FBXO22: variants seen among roughly 807,000 people sequenced by gnomAD.
The protein encoded by FBXO22 is F-box protein 22, also known as F-box only protein 22.
A neutral mutation model predicts 37.2 loss-of-function variants in FBXO22; 13 were observed. The observed-to-expected ratio is 0.35, with a 90% CI of 0.23 to 0.56. FBXO22 has a LOEUF of 0.56. Ranked by LOEUF, FBXO22 falls within the 20% of genes least tolerant of loss-of-function variation. FBXO22 has a pLI of 0.87. For missense variants in FBXO22, 446 were observed against 509.9 expected, an observed-to-expected ratio of 0.87 and a Z score of 1.21; for synonymous variants, 189 against 189.1, an observed-to-expected ratio of 1.00 and a Z score of 0.00.
intron 1 of FBXO22, 70 bp from the exon 2 acceptor site, chr15:75,904,421 G>C: frequency 1.2e-6 from 2 of 1,602,930 alleles, no homozygotes; most frequent in East Asian, 2.2e-5. Flanking sequence ...CAGCGGGTGG[G>C]GGTTTGTGAG....
intron 6 of FBXO22, chr15:75,930,651 T>C: frequency 1.0e-6 from 1 of 985,506 alleles, no homozygotes; most frequent in Non-Finnish European, 1.2e-6. Flanking sequence ...AAATATTTGC[T>C]CTTCTGTCTT....
chr15:75,922,196 C>T (rs780551036), intron 5 of FBXO22, among the ~76,000 whole-genome samples: 10 of 152,188 alleles, frequency 6.6e-5, no homozygotes, highest in African/African-American at 1.7e-4. Flanking sequence ...TTGAGTAATG[C>T]GTTGTGCTAC....
At chr15:75,932,654 T>C in intron 6 of FBXO22, 31 bp from the exon 7 acceptor site, 2 of 1,524,998 alleles carry the variant, frequency 1.3e-6, no homozygotes, top group Non-Finnish European at 1.8e-6. Flanking sequence ...TAATGTTTCA[T>C]GAGATATTGC....
In FBXO22 at chr15:75,937,094, C is replaced by G. The variant is rs1441674963; in HGVS notation, c.*3992C>G. 1 of 151,846 alleles carries G rather than the reference C, an allele frequency of 6.6e-6. No individual in the cohort carries two copies. The highest frequency in any genetic ancestry group is 2.4e-5 in the African/African-American group (1 of 41,296). The allele number at this position is 151,846 out of a possible 1,614,324, so 9.4% of individuals were successfully genotyped here. A position where few individuals can be genotyped will look rare whatever the true frequency, so the allele number is the denominator to read the frequency against. On this transcript the variant is annotated 3_prime_UTR_variant, in exon 7 of 7. Transcript: ENST00000308275. ...TTAATCACTATACTTAATAAACATACTCTATTCAAGGTCTTGTAATAAAAT... is the reference window on the plus strand; with the variant it reads ...TTAATCACTATACTTAATAAACATAGTCTATTCAAGGTCTTGTAATAAAAT...
chr15:75,917,293 C>T lies in FBXO22; in HGVS notation c.527C>T (p.Ala176Val). The T allele has an allele frequency of 6.2e-7, 1 of 1,612,190 alleles. No homozygotes were observed. Among genetic ancestry groups the T allele is most frequent in the Non-Finnish European group, 8.5e-7 (1 of 1,178,726 alleles). The change falls in exon 5 of 7, where the codon GCT becomes GTT. Residue 176 changes from alanine to valine, a missense_variant. Ala to Val is a moderately conservative substitution (Grantham distance 64). This residue lies in a region of FBXO22 where 315 missense variants were observed against 410.1 expected (regional missense o/e 0.77). Transcript: ENST00000308275. Reference sequence around the variant, plus strand: ...ATAGAAATTGGAGAATCTGGTTTTGCTTTATTATTCCCTCAAATTGAAGGA... The same window carrying T: ...ATAGAAATTGGAGAATCTGGTTTTGTTTTATTATTCCCTCAAATTGAAGGA... ...QEIEIGESGF[A>V]LLFPQIEGIK...
At chr15:75,918,889 C>T (rs907938087) in intron 5 of FBXO22, among the ~76,000 whole-genome samples, 6 of 152,110 alleles carry the variant, frequency 3.9e-5, no homozygotes, top group African/African-American at 9.7e-5. Context: ...ATACAAAATT[C>T]GTTTTGGAGG....
chr15:75,913,465 G>C (rs1233498360), intron 3 of FBXO22, among the ~76,000 whole-genome samples, 175 bp downstream of exon 3: 1 of 152,148 alleles, frequency 6.6e-6, no homozygotes, highest in Admixed American at 6.5e-5. Flanking sequence ...TTCTGCTTCA[G>C]ATTGATTTCT....
At chr15:75,915,932 A>C (rs574325906) in intron 4 of FBXO22, among the ~76,000 whole-genome samples, 3 of 150,572 alleles carry the variant, frequency 2.0e-5, no homozygotes, top group Admixed American at 1.3e-4. Context: ...TTAGCTGGGC[A>C]TGGTGGCTCA....
intron 6 of FBXO22, among the ~76,000 whole-genome samples, chr15:75,931,750 T>G (rs1595919652): frequency 6.6e-6 from 1 of 152,160 alleles, no homozygotes; most frequent in African/African-American, 2.4e-5. Flanking sequence ...TGTAAGGATA[T>G]TTCATTTTTT....
intron 2 of FBXO22, among the ~76,000 whole-genome samples, chr15:75,906,534 T>C (rs1036476609): frequency 6.6e-6 from 1 of 152,188 alleles, no homozygotes; most frequent in African/African-American, 2.4e-5. Flanking sequence ...CTCATATTTG[T>C]ACCTCCCTTT....
At chr15:75,904,371 C>G in intron 1 of FBXO22, 120 bp from the exon 2 acceptor site, 2 of 1,463,292 alleles carry the variant, frequency 1.4e-6, no homozygotes, top group South Asian at 1.2e-5. Context: ...CTACCTACCC[C>G]GGGGACTTTG....
At position 75,934,436 on chromosome 15, in the gene FBXO22, ACAGT is replaced by A. The variant is rs1286181627; in HGVS notation, c.*1339_*1342del. On this transcript the variant is annotated 3_prime_UTR_variant, in exon 7 of 7. Coordinates refer to ENST00000308275, the MANE Select transcript of FBXO22 (RefSeq NM_147188.3). ...TGATGTAACTAATGTTACTTTTGTA[ACAGT>A]CAGTGGTTTGTTCTAACAGGACAGT... 45 of 152,358 alleles carry A rather than the reference ACAGT, an allele frequency of 3.0e-4. No individual in the cohort carries two copies. Among genetic ancestry groups the A allele is most frequent in the Admixed American group, 2.6e-4 (4 of 15,304 alleles). The allele number at this position is 152,358 out of a possible 1,614,324, so 9.4% of individuals were successfully genotyped here. A position where few individuals can be genotyped will look rare whatever the true frequency, so the allele number is the denominator to read the frequency against.
intron 6 of FBXO22, chr15:75,931,004 C>T (rs935814823): frequency 2.0e-5 from 5 of 250,186 alleles, no homozygotes; most frequent in Non-Finnish European, 2.5e-5. Flanking sequence ...AGGCCAAGTA[C>T]GTTGAATCCC....
intron 2 of FBXO22, among the ~76,000 whole-genome samples, chr15:75,911,398 A>G (rs543809897): frequency 6.9e-4 from 105 of 152,312 alleles, no homozygotes; most frequent in African/African-American, 2.4e-3. Flanking sequence ...ATCCTTGAGC[A>G]TGGAATGTTT....
chr15:75,921,155 T>G (rs1900314471), intron 5 of FBXO22, among the ~76,000 whole-genome samples: 1 of 152,120 alleles, frequency 6.6e-6, no homozygotes, highest in Non-Finnish European at 1.5e-5. Context: ...TATTGGTGTA[T>G]CTGAACATAT....
rs1350630516 is a variant in FBXO22, at chr15:75,904,748, AT to A, written c.279+123del. On this transcript the variant is annotated intron_variant, in intron 2 of 6. Transcript: ENST00000308275. ...AAGGAACATCTCGTTCCGTGAAAAG[AT>A]TTTGTAAACATCAGTTTTAGTGACT... The A allele has an allele frequency of 1.6e-4, 178 of 1,083,436 alleles. 1 individual carries two copies. The highest frequency in any genetic ancestry group is 2.2e-4 in the Non-Finnish European group (173 of 790,648). 67.1% of individuals were successfully genotyped at this position (1,083,436 alleles called of 1,614,324 possible). A position where few individuals can be genotyped will look rare whatever the true frequency, so the allele number is the denominator to read the frequency against.
chr15:75,918,684 C>T (rs893481345), intron 5 of FBXO22, among the ~76,000 whole-genome samples: 1 of 152,154 alleles, frequency 6.6e-6, no homozygotes, highest in Non-Finnish European at 1.5e-5. Context: ...TAAAGGACAT[C>T]CTGTCATTTG....
chr15:75,909,482 G>C (rs1030947370), intron 2 of FBXO22, among the ~76,000 whole-genome samples: 2 of 152,186 alleles, frequency 1.3e-5, no homozygotes, highest in Non-Finnish European at 2.9e-5. Flanking sequence ...TGAAAAGGGA[G>C]TGATACAGCC....
At chr15:75,931,760 T>A (rs924960310) in intron 6 of FBXO22, among the ~76,000 whole-genome samples, 20 of 152,138 alleles carry the variant, frequency 1.3e-4, no homozygotes, top group Admixed American at 6.5e-5. Flanking sequence ...TTTCATTTTT[T>A]AAAAAAACCA....
Sources: gnomAD v4.1 joint callset for allele counts (sites outside exome capture counted in the v4.1 genomes callset) on GRCh38, gnomAD v4.1.1 for gene constraint, gnomAD v4.1.1 regional missense constraint, MANE v1.5 for transcripts, NCBI Gene and HGNC (gene_info 2026-07-23, HGNC 2026-07-21) for gene names.